The following FAM90A1 variants were observed in gnomAD, a reference collection of about 807,000 sequenced individuals.
FAM90A1 encodes the protein family with sequence similarity 90 member A1, also known as protein FAM90A1.
In FAM90A1, 10 loss-of-function variants were observed where a neutral mutation model predicts 14.8. The ratio of observed to expected loss-of-function variants is 0.67; its 90% confidence interval spans 0.42 to 1.14. The LOEUF (loss-of-function observed/expected upper bound fraction) is 1.14, where lower values mean the gene tolerates loss of function less well. Ranked by LOEUF, FAM90A1 falls within the 50% of genes most tolerant of loss-of-function variation. The pLI is 0.00. For missense variants in FAM90A1, 567 were observed against 602.8 expected (o/e 0.94, Z 0.62); for synonymous variants, 236 against 248.4 (o/e 0.95, Z 0.47).
In FAM90A1 at chr12:8,222,541, C is replaced by T. The variant is rs746987101; in HGVS notation, c.676G>A (p.Val226Met). ...GCAGGGCTGCTGTGTGTCGGCTTCA[C>T]CACGAGGAGAGGCTCGGGGCCCTGG... ...RHQGPEPLLV[V>M]KPTHSSPAGG... The change falls in exon 7 of 7, where the codon GTG becomes ATG. Residue 226 changes from valine to methionine, a missense_variant. Transcript: ENST00000538603. The T allele has an allele frequency of 1.2e-6, 2 of 1,612,038 alleles. No homozygotes were observed. Among genetic ancestry groups the T allele is most frequent in the Admixed American group, 1.7e-5 (1 of 60,024 alleles).
In FAM90A1 at chr12:8,222,179, G is replaced by A; in HGVS notation, c.1038C>T (p.Pro346=). The stretch of plus-strand genomic sequence containing the variant: ...GGGCGGGTGTCCTCGTGCCTGTCTG[G>A]GGTGACGTACGTGGTCCAAGTTCGG... ...AATELGPRTS[P]QTGTRTPAQV... The change falls in exon 7 of 7, where the codon CCC becomes CCT. Residue 346 remains proline (P), a synonymous_variant. Coordinates refer to ENST00000538603, the MANE Select transcript of FAM90A1 (RefSeq NM_018088.3). The A allele has an allele frequency of 6.4e-7, 1 of 1,563,432 alleles. No homozygotes were observed. Among genetic ancestry groups the A allele is most frequent in the Non-Finnish European group, 8.7e-7 (1 of 1,145,736 alleles).
At position 8,222,652 on chromosome 12, in the gene FAM90A1, C is replaced by T. The variant is rs1948859162; in HGVS notation, c.565G>A (p.Ala189Thr). Residue 189 changes from alanine to threonine, a missense_variant, in exon 7 of 7, where the codon GCC becomes ACC. Ala to Thr is a moderately conservative substitution (Grantham distance 58, BLOSUM62 0). Transcript: ENST00000538603. ...AGACTTGAGGAGGAGCTCAGACTGG[C>T]TTTTCTGAGGGGAGACAGTGAAGCT... ...VLASLSPLRKASLSSSSSLGP... is the reference protein window; with the variant it reads ...VLASLSPLRKTSLSSSSSLGP... The T allele has an allele frequency of 6.2e-7, 1 of 1,611,348 alleles. No homozygotes were observed. The highest frequency in any genetic ancestry group is 8.5e-7 in the Non-Finnish European group (1 of 1,179,880).
At chr12:8,225,793 C>T (rs1172462225) in intron 3 of FAM90A1, 43 bp downstream of exon 3, 6 of 152,128 alleles carry the variant, frequency 3.9e-5, no homozygotes, top group African/African-American at 1.5e-4. Flanking sequence ...CCCCCCACCC[C>T]TCAGGGATTG....
rs1343818930 is a variant in FAM90A1 at position 8,222,189 on chromosome 12, C to G, written c.1028G>C (p.Arg343Pro). Residue 343 changes from arginine (R) to proline (P), a missense_variant, in exon 7 of 7, where the codon CGT (arginine) becomes CCT (proline). Physicochemically the swap from Arg to Pro is moderately radical, Grantham distance 103. Transcript: ENST00000538603. The part of the protein sequence containing the change: ...PPPAATELGP[R>P]TSPQTGTRTP... ...CCTCGTGCCTGTCTGGGGTGACGTACGTGGTCCAAGTTCGGTTGCGGCTGG... is the reference window on the plus strand; with the variant it reads ...CCTCGTGCCTGTCTGGGGTGACGTAGGTGGTCCAAGTTCGGTTGCGGCTGG... 1 of 1,571,932 alleles carries G rather than the reference C, an allele frequency of 6.4e-7. No homozygotes were observed. The highest frequency in any genetic ancestry group is 8.7e-7 in the Non-Finnish European group (1 of 1,145,282).
In FAM90A1 at chr12:8,222,168, G is replaced by C. The variant is rs759812352; in HGVS notation, c.1049C>G (p.Thr350Arg). The C allele has an allele frequency of 3.2e-6, 5 of 1,584,494 alleles. No individual in the cohort carries two copies. Among genetic ancestry groups the C allele is most frequent in the Admixed American group, 3.5e-5 (2 of 57,666 alleles). Residue 350 changes from threonine (T) to arginine (R), a missense_variant, in exon 7 of 7, where the codon ACG becomes AGG. Transcript: ENST00000538603. ...GCTAAGCACCTGGGCGGGTGTCCTC[G>C]TGCCTGTCTGGGGTGACGTACGTGG... ...LGPRTSPQTGTRTPAQVLSGD... is the reference protein window; with the variant it reads ...LGPRTSPQTGRRTPAQVLSGD...
chr12:8,222,814 A>G, intron 6 of FAM90A1, 30 bp from the exon 7 acceptor site: 1 of 1,568,536 alleles, frequency 6.4e-7, no homozygotes, highest in Non-Finnish European at 8.6e-7. Context: ...ACAGGTTAGA[A>G]GTTCCTCAGC....
intron 3 of FAM90A1, 28 bp from the exon 4 acceptor site, chr12:8,224,916 C>A (rs181255280): frequency 6.5e-7 from 1 of 1,544,904 alleles, no homozygotes; most frequent in South Asian, 1.1e-5. Context: ...ACACACAAGT[C>A]GATGGTTAAG....
rs143290511 is a variant in FAM90A1, at chr12:8,221,898, C to G, written c.1319G>C (p.Arg440Pro). 1,015 of 1,596,424 alleles carry G rather than the reference C, an allele frequency of 6.4e-4. 14 individuals are homozygous for G. In the South Asian group the frequency reaches 0.011, roughly 17 times the overall value. Residue 440 changes from arginine to proline, a missense_variant, in exon 7 of 7, where the codon CGT becomes CCT. By Grantham distance (103) the Arg-to-Pro change is moderately radical. Transcript: ENST00000538603. ...CTCATAGAGGACGCTTGGTGGGACA[C>G]GAACACAGGGACCCTCAGACTTCTC... The part of the protein sequence containing the change: ...VSEKSEGPCV[R>P]VPPSVLYEDL...
chr12:8,223,999 C>G lies in FAM90A1; in HGVS notation c.323+17G>C. 6.2e-7 allele frequency: 1 copy of G among 1,611,152 alleles called. No individual in the cohort carries two copies. The highest frequency in any genetic ancestry group is 1.7e-5 in the Admixed American group (1 of 60,018). On this transcript the variant is annotated intron_variant, in intron 5 of 6. Transcript: ENST00000538603. Reference sequence around the variant, plus strand: ...GGCAGTACCCTAAGAGTGGTGAAAACCACTCCCACTGCTCACCTTGGTCTC... The same window carrying G: ...GGCAGTACCCTAAGAGTGGTGAAAAGCACTCCCACTGCTCACCTTGGTCTC...
intron 3 of FAM90A1, 107 bp from the exon 4 acceptor site, chr12:8,224,995 C>T (rs779557242): frequency 9.0e-6 from 7 of 780,478 alleles, no homozygotes; most frequent in Non-Finnish European, 1.5e-5. Context: ...CATGAGGAGA[C>T]CTCACCACCA....
Position 8,221,635 on chromosome 12 carries a change from T to G in FAM90A1, c.*187A>C. 1.5e-6 allele frequency: 1 copy of G among 684,816 alleles called. No individual in the cohort carries two copies. Among genetic ancestry groups the G allele is most frequent in the Non-Finnish European group, 2.4e-6 (1 of 410,362 alleles). The allele number at this position is 684,816 out of a possible 1,614,324, so 42.4% of individuals were successfully genotyped here. ...CGAACTACAATGTCCCTCACCAGAA[T>G]TCAACGTGGCAGAGTCCCTGCATCT... is the stretch of plus-strand genomic sequence containing the variant. On this transcript the variant is annotated 3_prime_UTR_variant, in exon 7 of 7. Coordinates refer to ENST00000538603, the MANE Select transcript of FAM90A1 (RefSeq NM_018088.3).
chr12:8,225,415 T>C (rs112904536), intron 3 of FAM90A1, among the ~76,000 whole-genome samples: 1 of 152,356 alleles, frequency 6.6e-6, no homozygotes, highest in African/African-American at 2.4e-5. Flanking sequence ...CACTAGCAGG[T>C]GATGGTCTTT....
rs781071359 is a variant in FAM90A1, at chr12:8,224,861, CT to C, written c.-30del. The C allele has an allele frequency of 9.3e-6, 15 of 1,604,958 alleles. No individual in the cohort carries two copies. Among genetic ancestry groups the C allele is most frequent in the Admixed American group, 1.7e-5 (1 of 60,010 alleles). ...CGTCTCCTGGGGGTTTTATGACCGCCTTTTTCAGGGGTTGATTGTCGGGTCA... is the reference window on the plus strand; with the variant it reads ...CGTCTCCTGGGGGTTTTATGACCGCCTTTTCAGGGGTTGATTGTCGGGTCA... On this transcript the variant is annotated 5_prime_UTR_variant, in exon 4 of 7. Coordinates refer to ENST00000538603, the MANE Select transcript of FAM90A1 (RefSeq NM_018088.3).
rs1948837873 is a variant in FAM90A1 at position 8,222,123 on chromosome 12, T to C, written c.1094A>G (p.His365Arg). 1 of 1,611,840 alleles carries C rather than the reference T, an allele frequency of 6.2e-7. No homozygotes were observed. Among genetic ancestry groups the C allele is most frequent in the African/African-American group, 1.3e-5 (1 of 74,984 alleles). Residue 365 changes from histidine (H) to arginine (R), a missense_variant, in exon 7 of 7, where the codon CAC (histidine) becomes CGC (arginine). By Grantham distance (29) the His-to-Arg change is conservative. Coordinates refer to ENST00000538603, the MANE Select transcript of FAM90A1 (RefSeq NM_018088.3). Reference protein sequence around the residue: ...QVLSGDRQPPHSRPCLPTAQA... With the variant: ...QVLSGDRQPPRSRPCLPTAQA... ...GGCAGTAGGCAGGCAAGGTCTGCTG[T>C]GCGGAGGCTGCCGGTCGCCGCTAAG...
Position 8,221,514 on chromosome 12 carries a change from T to G in FAM90A1, c.*308A>C. 1 of 477,112 alleles carries G rather than the reference T, an allele frequency of 2.1e-6. No homozygotes were observed. Among genetic ancestry groups the G allele is most frequent in the Non-Finnish European group, 3.8e-6 (1 of 262,786 alleles). The allele number at this position is 477,112 out of a possible 1,614,324, so 29.6% of individuals were successfully genotyped here. A position where few individuals can be genotyped will look rare whatever the true frequency, so the allele number is the denominator to read the frequency against. ...GTAATTCCCCCGTTTCCTATTGACG[T>G]CCCAGCGGAAGTCTGACTCCTGCGC... On this transcript the variant is annotated 3_prime_UTR_variant, in exon 7 of 7. Transcript: ENST00000538603.
In FAM90A1 at chr12:8,226,481, G is replaced by C. The variant is rs1290725509; in HGVS notation, c.-420-3C>G. On this transcript the variant is annotated splice_polypyrimidine_tract_variant and splice_region_variant and intron_variant, in intron 1 of 6. Transcript: ENST00000538603. ...AAACCACCGTGAATTGGAGCGCACTGGGAAACACAGATGAAGAAAGTCAAC... is the reference window on the plus strand; with the variant it reads ...AAACCACCGTGAATTGGAGCGCACTCGGAAACACAGATGAAGAAAGTCAAC... The C allele has an allele frequency of 6.5e-6, 1 of 154,524 alleles. No homozygotes were observed. Among genetic ancestry groups the C allele is most frequent in the Non-Finnish European group, 1.5e-5 (1 of 68,054 alleles). 9.6% of individuals were successfully genotyped at this position (154,524 alleles called of 1,614,324 possible).
rs1948845875 is a variant in FAM90A1 at position 8,222,281 on chromosome 12, G to A, written c.936C>T (p.Pro312=). 2 of 1,611,404 alleles carry A rather than the reference G, an allele frequency of 1.2e-6. No individual in the cohort carries two copies. The highest frequency in any genetic ancestry group is 8.5e-7 in the Non-Finnish European group (1 of 1,179,958). The change falls in exon 7 of 7, where the codon CCC becomes CCT. Residue 312 remains proline, a synonymous_variant. Transcript: ENST00000538603. The part of the protein sequence containing the change: ...LNFPKKPRLG[P]FQIPESAIQG... ...GGATGGCGCTTTCGGGGATCTGGAAGGGACCCAGTCTCGGTTTCTTGGGGA... is the reference window on the plus strand; with the variant it reads ...GGATGGCGCTTTCGGGGATCTGGAAAGGACCCAGTCTCGGTTTCTTGGGGA...
chr12:8,227,429 C>G, intron 1 of FAM90A1, 51 bp downstream of exon 1: 1 of 484,266 alleles, frequency 2.1e-6, no homozygotes, highest in South Asian at 2.2e-5. Context: ...ACAACACAGA[C>G]AGAAGGCTGG....
chr12:8,225,077 C>T (rs1948916216), intron 3 of FAM90A1, among the ~76,000 whole-genome samples, 189 bp from the exon 4 acceptor site: 1 of 152,262 alleles, frequency 6.6e-6, no homozygotes, highest in South Asian at 2.1e-4. Flanking sequence ...GCCATGATTA[C>T]CTAGTCCAAG....
Sources: allele counts gnomAD v4.1 joint callset (sites outside exome capture counted in the v4.1 genomes callset), GRCh38; gene constraint gnomAD v4.1.1; transcripts MANE v1.5; gene names NCBI Gene and HGNC (gene_info 2026-07-23, HGNC 2026-07-21).